Variants in PRDM5 observed in about 807,000 individuals in gnomAD.
The protein encoded by PRDM5 is PR/SET domain 5.
Under a neutral mutation model 81.2 loss-of-function variants are expected in PRDM5, and 56 were observed. The ratio of observed to expected loss-of-function variants is 0.69; its 90% CI spans 0.56 to 0.86. The LOEUF (loss-of-function observed/expected upper bound fraction) is 0.86. PRDM5 is among the 40% of genes least tolerant of loss of function. The probability of loss-of-function intolerance (pLI) is 0.00; values close to 1 mark genes in which losing one functional copy is unlikely to be tolerated. For missense variants in PRDM5, 697 were observed against 770.1 expected, an observed-to-expected ratio of 0.91 and a Z score of 1.12; for synonymous variants, 267 against 256.4, an observed-to-expected ratio of 1.04 and a Z score of -0.39.
Position 120,785,077 on chromosome 4 carries a change from C to G in PRDM5, c.1203G>C (p.Glu401Asp), listed in dbSNP as rs773158455. The change falls in exon 11 of 16, where the codon GAG becomes GAC. Residue 401 changes from glutamate to aspartate, a missense_variant. Around this residue, in one of 3 missense-constraint regions of PRDM5, gnomAD observed 577 missense variants for 606.7 expected, o/e 0.95. Coordinates refer to ENST00000264808, the MANE Select transcript of PRDM5 (RefSeq NM_018699.4). ...YKNHKKTHSE[E>D]RPFQCEECKA... ...TACATTCTTCACATTGGAACGGTCTCTCCTCAGAGTGGGTCTGCAGAGGAA... is the reference window on the plus strand; with the variant it reads ...TACATTCTTCACATTGGAACGGTCTGTCCTCAGAGTGGGTCTGCAGAGGAA... 1.9e-6 allele frequency: 3 copies of G among 1,611,124 alleles called. No individual in the cohort carries two copies. The Admixed American group carries it at 5.0e-5, about 27-fold the overall frequency.
At chr4:120,761,854 T>G (rs150218359) in intron 13 of PRDM5, among the ~76,000 whole-genome samples, 1 of 152,178 alleles carries the variant, frequency 6.6e-6, no homozygotes, top group African/African-American at 2.4e-5. Context: ...TGCTACTAAA[T>G]ACACTGAATT....
chr4:120,731,251 G>C (rs905112152), intron 14 of PRDM5, among the ~76,000 whole-genome samples: 2 of 152,060 alleles, frequency 1.3e-5, no homozygotes, highest in East Asian at 3.9e-4. Context: ...AAAGAGCTCA[G>C]TGCAGTGCAA....
At chr4:120,900,210 G>A (rs1561660898) in intron 2 of PRDM5, among the ~76,000 whole-genome samples, 1 of 152,170 alleles carries the variant, frequency 6.6e-6, no homozygotes, top group Admixed American at 6.5e-5. Flanking sequence ...CTAACCTTCA[G>A]CCACCCTCCT....
intron 14 of PRDM5, among the ~76,000 whole-genome samples, chr4:120,722,949 G>T (rs1443791766): frequency 6.6e-6 from 1 of 152,174 alleles, no homozygotes; most frequent in African/African-American, 2.4e-5. Context: ...AACCAACCAT[G>T]GATGGCCCTT....
chr4:120,783,330 T>G (rs1749312487), intron 11 of PRDM5, among the ~76,000 whole-genome samples: 1 of 152,068 alleles, frequency 6.6e-6, no homozygotes. Context: ...CGATGCATCT[T>G]CATAAAGCCT....
At chr4:120,777,162 C>T (rs777670877) in intron 13 of PRDM5, 26 bp downstream of exon 13, 21 of 1,612,654 alleles carry the variant, frequency 1.3e-5, no homozygotes, top group Non-Finnish European at 1.6e-5. Context: ...GTGGTTTTTT[C>T]ACTAGTCTAA....
At chr4:120,860,961 T>A (rs369140804) in intron 2 of PRDM5, among the ~76,000 whole-genome samples, 3 of 152,206 alleles carry the variant, frequency 2.0e-5, no homozygotes, top group Non-Finnish European at 2.9e-5. Flanking sequence ...ATTTTTAATA[T>A]AGATTTCAGA....
chr4:120,822,061 G>A (rs934042727), intron 3 of PRDM5, among the ~76,000 whole-genome samples: 23 of 152,014 alleles, frequency 1.5e-4, no homozygotes, highest in Admixed American at 8.5e-4. Flanking sequence ...AGGAAACCTC[G>A]ACCAATAACA....
intron 8 of PRDM5, among the ~76,000 whole-genome samples, chr4:120,805,493 CTTAT>C (rs1192948534): frequency 1.3e-5 from 2 of 152,146 alleles, no homozygotes; most frequent in Non-Finnish European, 2.9e-5. Flanking sequence ...CATCAAAAAG[CTTAT>C]CCACCATGAT....
chr4:120,904,207 A>AAAAAAAAAAAAAAAAAAAAC (rs1561676162), intron 2 of PRDM5, among the ~76,000 whole-genome samples: 1 of 141,302 alleles, frequency 7.1e-6, no homozygotes, highest in East Asian at 2.0e-4. Flanking sequence ...AAAAAAAAAC[A>AAAAAAAAAAAAAAAAAAAAC]AAAAAACCTC....
Position 120,739,022 on chromosome 4 carries a change from G to A in PRDM5, c.1623+15531C>T, listed in dbSNP as rs1054859415. On this transcript the variant is annotated intron_variant, in intron 14 of 15. Coordinates refer to ENST00000264808, the MANE Select transcript of PRDM5 (RefSeq NM_018699.4). ...TTGCAGTCAGTTGGCTGCAGCTGAAGTTATCTGAAGGCTCAACTAAGCTAG... is the reference window on the plus strand; with the variant it reads ...TTGCAGTCAGTTGGCTGCAGCTGAAATTATCTGAAGGCTCAACTAAGCTAG... Among the ~76,000 whole-genome samples the A allele has an allele frequency of 2.6e-5, 4 of 152,168 alleles. No individual in the cohort carries two copies. In the East Asian group the frequency reaches 7.7e-4, roughly 29 times the overall value.
intron 10 of PRDM5, among the ~76,000 whole-genome samples, chr4:120,796,467 T>C (rs1751366727): frequency 6.6e-6 from 1 of 152,168 alleles, no homozygotes; most frequent in Non-Finnish European, 1.5e-5. Flanking sequence ...CCATATGGCA[T>C]ATAACATGAG....
chr4:120,747,032 C>T (rs1743199785), intron 14 of PRDM5, among the ~76,000 whole-genome samples: 1 of 145,960 alleles, frequency 6.9e-6, no homozygotes, highest in African/African-American at 2.5e-5. Flanking sequence ...TTGGAACCAA[C>T]CCAAATGTCC....
At chr4:120,773,772 A>G (rs1213088563) in intron 13 of PRDM5, among the ~76,000 whole-genome samples, 2 of 152,208 alleles carry the variant, frequency 1.3e-5, no homozygotes, top group African/African-American at 2.4e-5. Context: ...TTCTAACTAC[A>G]TATCTGTGAG....
At chr4:120,758,990 C>T (rs541911248) in intron 13 of PRDM5, among the ~76,000 whole-genome samples, 35 of 152,168 alleles carry the variant, frequency 2.3e-4, no homozygotes, top group African/African-American at 8.2e-4. Flanking sequence ...CTCCTGACCT[C>T]GTCATCCACC....
chr4:120,870,511 C>CCTGCCT (rs1363999410), intron 2 of PRDM5, among the ~76,000 whole-genome samples: 2 of 152,110 alleles, frequency 1.3e-5, no homozygotes, highest in Admixed American at 6.5e-5. Context: ...ACCTGCCTGA[C>CCTGCCT]CTGCCTTGGG....
At chr4:120,808,682 C>A (rs1753364026) in intron 8 of PRDM5, among the ~76,000 whole-genome samples, 1 of 152,152 alleles carries the variant, frequency 6.6e-6, no homozygotes, top group African/African-American at 2.4e-5. Context: ...TCCTGAGAGG[C>A]TCGGGCTGCA....
chr4:120,770,834 A>G lies in PRDM5; in HGVS notation c.1537+6354T>C, dbSNP rs191175588. Among the ~76,000 whole-genome samples the G allele has an allele frequency of 2.5e-3, 377 of 152,284 alleles. 1 individual carries two copies. The highest frequency in any genetic ancestry group is 8.8e-3 in the African/African-American group (364 of 41,570). ...CACAATCATGATATACACACTAAAT[A>G]TTTGTATTATTCAAGAGAAATTATT... On this transcript the variant is annotated intron_variant, in intron 13 of 15. Transcript: ENST00000264808.
intron 7 of PRDM5, among the ~76,000 whole-genome samples, chr4:120,811,727 C>G (rs79788161): frequency 6.6e-6 from 1 of 151,994 alleles, no homozygotes; most frequent in East Asian, 1.9e-4. Flanking sequence ...AGCTTATATA[C>G]CTTTTCATAA....
Sources: allele counts gnomAD v4.1 joint callset (sites outside exome capture counted in the v4.1 genomes callset), GRCh38; gene constraint gnomAD v4.1.1; regional missense constraint gnomAD v4.1.1; transcripts MANE v1.5; gene names NCBI Gene and HGNC (gene_info 2026-07-23, HGNC 2026-07-21).